MARK1: variants seen among roughly 807,000 people sequenced by gnomAD.
MARK1 encodes microtubule affinity regulating kinase 1.
A neutral mutation model predicts 96.3 loss-of-function variants in MARK1; 40 were observed. The ratio of observed to expected loss-of-function variants is 0.42; its 90% CI spans 0.32 to 0.54. The LOEUF (loss-of-function observed/expected upper bound fraction) is 0.54. Among genes scored for constraint, MARK1 ranks in the 20% least tolerant of loss-of-function variants. The pLI is 0.16. For synonymous variants in MARK1, 317 were observed against 341.2 expected (o/e 0.93, Z 0.78); for missense variants, 719 against 984.6 (o/e 0.73, Z 3.61).
At chr1:220,643,228 C>G (rs369702206) in intron 13 of MARK1, among the ~76,000 whole-genome samples, 10 of 152,218 alleles carry the variant, frequency 6.6e-5, no homozygotes, top group African/African-American at 2.4e-4. Context: ...CAGTTGTTAA[C>G]TAGAATAACC....
intron 1 of MARK1, chr1:220,576,773 A>G (rs987096277): frequency 1.3e-5 from 2 of 152,192 alleles, no homozygotes; most frequent in Non-Finnish European, 2.9e-5. Context: ...CTAACACTAT[A>G]TTAAGTTATG....
intron 1 of MARK1, among the ~76,000 whole-genome samples, chr1:220,546,259 AT>A (rs1661485613): frequency 6.6e-6 from 1 of 152,170 alleles, no homozygotes; most frequent in African/African-American, 2.4e-5. Flanking sequence ...CATCAGAATA[AT>A]TTTTTATTTA....
At chr1:220,533,370 C>CTT (rs143742518) in intron 1 of MARK1, among the ~76,000 whole-genome samples, 29 of 149,318 alleles carry the variant, frequency 1.9e-4, no homozygotes, top group African/African-American at 7.1e-4. Context: ...ATTATTACGT[C>CTT]TTTTTTTTTT....
intron 9 of MARK1, among the ~76,000 whole-genome samples, chr1:220,620,552 T>C (rs891470270): frequency 1.3e-5 from 2 of 152,184 alleles, no homozygotes; most frequent in African/African-American, 2.4e-5. Flanking sequence ...CAGATCTCTA[T>C]GGACAGTAGG....
rs368835472 is a variant in MARK1 at position 220,621,771 on chromosome 1, A to G, written c.909+3016A>G. On this transcript the variant is annotated intron_variant, in intron 9 of 17. Transcript: ENST00000366917. ...GAGTATCCTCTAGTCTTTCTTCACT[A>G]TATATTTTGCTAATATTGAAATTTG... 9.2e-5 allele frequency among the ~76,000 whole-genome samples: 14 copies of G among 152,222 alleles called. No homozygotes were observed. In the East Asian group the frequency reaches 2.1e-3, roughly 23 times the overall value.
At chr1:220,648,853 C>T (rs918484387) in intron 13 of MARK1, among the ~76,000 whole-genome samples, 1 of 152,088 alleles carries the variant, frequency 6.6e-6, no homozygotes, top group Non-Finnish European at 1.5e-5. Context: ...TTCCTGTTTC[C>T]TATTACGTAT....
intron 2 of MARK1, 127 bp downstream of exon 2, chr1:220,579,684 A>T: frequency 1.4e-6 from 1 of 694,278 alleles, no homozygotes; most frequent in South Asian, 1.8e-5. Context: ...GTGTGTGTGA[A>T]TGGAACATTA....
At chr1:220,643,653 A>G (rs1311603399) in intron 13 of MARK1, among the ~76,000 whole-genome samples, 1 of 152,174 alleles carries the variant, frequency 6.6e-6, no homozygotes, top group Non-Finnish European at 1.5e-5. Context: ...CGAAGGAAAA[A>G]ATGTTAAGGC....
chr1:220,540,511 C>T (rs1661060958), intron 1 of MARK1, among the ~76,000 whole-genome samples: 1 of 152,192 alleles, frequency 6.6e-6, no homozygotes, highest in Admixed American at 6.5e-5. Flanking sequence ...AATATTTTGC[C>T]AGCTATCTGA....
At chr1:220,578,285 C>A (rs1664007686) in intron 1 of MARK1, among the ~76,000 whole-genome samples, 1 of 152,196 alleles carries the variant, frequency 6.6e-6, no homozygotes, top group African/African-American at 2.4e-5. Flanking sequence ...GCAGACAAAG[C>A]TAGACAAGAG....
intron 1 of MARK1, among the ~76,000 whole-genome samples, chr1:220,561,614 T>C (rs1362148641): frequency 3.3e-5 from 5 of 152,192 alleles, no homozygotes; most frequent in Non-Finnish European, 7.4e-5. Context: ...ATTTAAGCAC[T>C]TCCTGGGAAG....
At chr1:220,604,038 T>G (rs1400891528) in intron 5 of MARK1, 29 bp from the exon 6 acceptor site, 3 of 1,473,154 alleles carry the variant, frequency 2.0e-6, no homozygotes, top group Non-Finnish European at 9.3e-7. Flanking sequence ...TATGTATATT[T>G]TACTACCTGC....
At chr1:220,596,794 A>G (rs573254088) in intron 3 of MARK1, among the ~76,000 whole-genome samples, 147 of 152,262 alleles carry the variant, frequency 9.7e-4, no homozygotes, top group South Asian at 1.2e-3. Flanking sequence ...TTCAAACATC[A>G]CCATCAATCT....
chr1:220,657,909 T>G (rs1669266698), intron 17 of MARK1, 75 bp downstream of exon 17: 2 of 1,101,622 alleles, frequency 1.8e-6, no homozygotes, highest in East Asian at 5.9e-5. Context: ...CTTACAGCAC[T>G]TAATGATCAT....
chr1:220,621,275 A>C (rs1007276290), intron 9 of MARK1, among the ~76,000 whole-genome samples: 1 of 152,024 alleles, frequency 6.6e-6, no homozygotes, highest in Non-Finnish European at 1.5e-5. Flanking sequence ...AGTTGTTTCC[A>C]TTGTTTTTGA....
In MARK1 at chr1:220,593,490, G is replaced by A. The variant is rs189470160; in HGVS notation, c.310-4841G>A. On this transcript the variant is annotated intron_variant, in intron 3 of 17. Coordinates refer to ENST00000366917, the MANE Select transcript of MARK1 (RefSeq NM_018650.5). Reference sequence around the variant, plus strand: ...GGTTTTATAGCTATATGTGAATCTTGTCTGCTCATATTACTTGTGAATTTT... The same window carrying A: ...GGTTTTATAGCTATATGTGAATCTTATCTGCTCATATTACTTGTGAATTTT... Among the ~76,000 whole-genome samples, 4 of 152,128 alleles carry A rather than the reference G, an allele frequency of 2.6e-5. No homozygotes were observed. In the East Asian group the frequency reaches 7.7e-4, roughly 29 times the overall value.
intron 1 of MARK1, among the ~76,000 whole-genome samples, chr1:220,574,269 G>A (rs1459453597): frequency 1.3e-5 from 2 of 152,228 alleles, no homozygotes; most frequent in African/African-American, 4.8e-5. Flanking sequence ...TGGCCAACAG[G>A]CCAAATACCT....
chr1:220,548,549 G>A (rs1275572112), intron 1 of MARK1, among the ~76,000 whole-genome samples: 3 of 152,128 alleles, frequency 2.0e-5, no homozygotes, highest in South Asian at 2.1e-4. Flanking sequence ...AGACCAATCC[G>A]GCCAACATGG....
At position 220,651,966 on chromosome 1, in the gene MARK1, C is replaced by T; in HGVS notation, c.1572-20C>T. Reference sequence around the variant, plus strand: ...TTCCTCTTTTTTTCCATGGTCTTCTCAACTGCTTTATGGTGAAAGCCTTAC... The same window carrying T: ...TTCCTCTTTTTTTCCATGGTCTTCTTAACTGCTTTATGGTGAAAGCCTTAC... On this transcript the variant is annotated intron_variant, in intron 14 of 17. Transcript: ENST00000366917. The T allele has an allele frequency of 2.0e-6, 3 of 1,507,388 alleles. No individual in the cohort carries two copies. Among genetic ancestry groups the T allele is most frequent in the Non-Finnish European group, 2.7e-6 (3 of 1,113,522 alleles). 93.4% of individuals were successfully genotyped at this position (1,507,388 alleles called of 1,614,324 possible). A position where few individuals can be genotyped will look rare whatever the true frequency, so the allele number is the denominator to read the frequency against.
Sources: gnomAD v4.1 joint callset for allele counts (sites outside exome capture counted in the v4.1 genomes callset) on GRCh38, gnomAD v4.1.1 for gene constraint, MANE v1.5 for transcripts, NCBI Gene and HGNC (gene_info 2026-07-23, HGNC 2026-07-21) for gene names.